CNBD1: variants seen among roughly 807,000 people sequenced by gnomAD.
CNBD1 encodes cyclic nucleotide-binding domain-containing protein 1.
In CNBD1, 71 loss-of-function variants were observed where a neutral mutation model predicts 54.4. That is an observed-to-expected ratio of 1.30 (90% confidence interval 1.08 to 1.59). The LOEUF (loss-of-function observed/expected upper bound fraction) is 1.59. Among genes scored for constraint, CNBD1 ranks in the 40% most tolerant of loss-of-function variants. The probability of loss-of-function intolerance (pLI) is 0.00; values close to 1 mark genes in which losing one functional copy is unlikely to be tolerated. For missense variants in CNBD1, 659 were observed against 518.0 expected, an observed-to-expected ratio of 1.27 and a Z score of -2.64; for synonymous variants, 182 against 170.7, an observed-to-expected ratio of 1.07 and a Z score of -0.51.
At chr8:86,970,663 G>C (rs1389853075) in intron 4 of CNBD1, among the ~76,000 whole-genome samples, 2 of 151,762 alleles carry the variant, frequency 1.3e-5, no homozygotes, top group Non-Finnish European at 2.9e-5. Flanking sequence ...AAGTTCCTAT[G>C]TATGTAGTGT....
At chr8:86,951,416 C>A (rs1807618270) in intron 4 of CNBD1, among the ~76,000 whole-genome samples, 1 of 150,992 alleles carries the variant, frequency 6.6e-6, no homozygotes, top group Admixed American at 6.6e-5. Flanking sequence ...TGGTGAAACT[C>A]CATCTCTACT....
chr8:87,295,211 T>C (rs1808857205), intron 8 of CNBD1, among the ~76,000 whole-genome samples: 1 of 151,846 alleles, frequency 6.6e-6, no homozygotes, highest in Non-Finnish European at 1.5e-5. Flanking sequence ...TATAATGTTA[T>C]AGTATAACAA....
chr8:87,379,041 A>T (rs1254042169), intron 10 of CNBD1, among the ~76,000 whole-genome samples: 1 of 150,606 alleles, frequency 6.6e-6, no homozygotes, highest in East Asian at 1.9e-4. Context: ...TTATCAGCTT[A>T]AGGAGATTTG....
intron 2 of CNBD1, among the ~76,000 whole-genome samples, chr8:87,428,307 C>T (rs1264829334): frequency 6.6e-6 from 1 of 151,988 alleles, no homozygotes; most frequent in Non-Finnish European, 1.5e-5. Flanking sequence ...AAACAATTTC[C>T]AAATTCTGAA....
At chr8:87,047,996 C>T (rs965024587) in intron 4 of CNBD1, among the ~76,000 whole-genome samples, 1 of 152,156 alleles carries the variant, frequency 6.6e-6, no homozygotes, top group Admixed American at 6.5e-5. Context: ...ACCTGGGATG[C>T]TCTTCTGGGA....
intron 10 of CNBD1, 135 bp downstream of exon 10, chr8:87,353,921 AT>A: frequency 1.7e-6 from 1 of 584,722 alleles, no homozygotes; most frequent in Non-Finnish European, 3.0e-6. Context: ...GAGTATTTGC[AT>A]AATCTCCTCC....
At chr8:87,210,140 A>T (rs899139674) in intron 5 of CNBD1, among the ~76,000 whole-genome samples, 1 of 152,232 alleles carries the variant, frequency 6.6e-6, no homozygotes, top group Non-Finnish European at 1.5e-5. Context: ...GACTTACAGT[A>T]TCTGTAGAAG....
intron 4 of CNBD1, among the ~76,000 whole-genome samples, chr8:87,195,377 T>G (rs1411184205): frequency 6.6e-6 from 1 of 151,384 alleles, no homozygotes; most frequent in Non-Finnish European, 1.5e-5. Flanking sequence ...TACAGGTGCA[T>G]GCCATCACAC....
intron 2 of CNBD1, among the ~76,000 whole-genome samples, chr8:87,402,494 T>C (rs1586080772): frequency 6.6e-6 from 1 of 152,200 alleles, no homozygotes; most frequent in East Asian, 1.9e-4. Flanking sequence ...GGCTTGGTGT[T>C]TTTGAATAGG....
chr8:87,007,228 T>C (rs1020576069), intron 4 of CNBD1, among the ~76,000 whole-genome samples: 8 of 152,054 alleles, frequency 5.3e-5, no homozygotes, highest in African/African-American at 1.7e-4. Context: ...TAAAACTTAT[T>C]ACTGATTTTC....
At chr8:87,262,499 C>A (rs996293253) in intron 6 of CNBD1, among the ~76,000 whole-genome samples, 5 of 152,078 alleles carry the variant, frequency 3.3e-5, no homozygotes, top group African/African-American at 9.7e-5. Context: ...ATGTGGGCAG[C>A]CAACATCCAA....
chr8:87,420,113 G>A (rs910558104), intron 2 of CNBD1, among the ~76,000 whole-genome samples: 2 of 151,330 alleles, frequency 1.3e-5, no homozygotes, highest in Non-Finnish European at 2.9e-5. Context: ...CACATTTACA[G>A]AATAAAAGAT....
chr8:87,237,244 T>C (rs373719179), intron 6 of CNBD1, 132 bp downstream of exon 6: 1 of 482,762 alleles, frequency 2.1e-6, no homozygotes, highest in Non-Finnish European at 3.6e-6. Context: ...GCCTTTAAAA[T>C]ATAAATGATA....
intron 1 of CNBD1, among the ~76,000 whole-genome samples, chr8:86,883,052 G>GA (rs1215475520): frequency 3.3e-5 from 5 of 151,904 alleles, no homozygotes; most frequent in African/African-American, 1.2e-4. Flanking sequence ...GATAGGACCA[G>GA]AAAAAATAAC....
At chr8:87,288,729 A>G (rs1263650878) in intron 8 of CNBD1, among the ~76,000 whole-genome samples, 1 of 152,096 alleles carries the variant, frequency 6.6e-6, no homozygotes, top group Non-Finnish European at 1.5e-5. Context: ...TACCGATAGC[A>G]TTGGACAATC....
At chr8:87,093,652 A>G (rs1233380197) in intron 4 of CNBD1, among the ~76,000 whole-genome samples, 3 of 152,174 alleles carry the variant, frequency 2.0e-5, no homozygotes, top group Non-Finnish European at 4.4e-5. Context: ...TCAAGTTGAC[A>G]TATACAATCA....
At chr8:87,132,589 A>G (rs1812140619) in intron 4 of CNBD1, among the ~76,000 whole-genome samples, 3 of 148,346 alleles carry the variant, frequency 2.0e-5, no homozygotes, top group South Asian at 2.1e-4. Flanking sequence ...TCTCACCACT[A>G]TTTCTTATAT....
At position 87,324,782 on chromosome 8, in the gene CNBD1, T is replaced by G. The variant is rs1284110661; in HGVS notation, c.1043-26903T>G. Among the ~76,000 whole-genome samples, 6 of 140,812 alleles carry G rather than the reference T, an allele frequency of 4.3e-5. No homozygotes were observed. In the East Asian group the frequency reaches 6.0e-4, roughly 14 times the overall value. The allele number at this position is 140,812 out of a possible 152,430, so 92.4% of individuals were successfully genotyped here. A position where few individuals can be genotyped will look rare whatever the true frequency, so the allele number is the denominator to read the frequency against. On this transcript the variant is annotated intron_variant, in intron 8 of 10. Transcript: ENST00000518476. ...CTGGATTCATTGATTTTTTGAAGGGTTTTTTGTGTCTCTATTTCCTTCAGT... is the reference window on the plus strand; with the variant it reads ...CTGGATTCATTGATTTTTTGAAGGGGTTTTTGTGTCTCTATTTCCTTCAGT...
chr8:87,419,071 A>C (rs1163945107), intron 2 of CNBD1, among the ~76,000 whole-genome samples: 1 of 151,218 alleles, frequency 6.6e-6, no homozygotes, highest in Non-Finnish European at 1.5e-5. Flanking sequence ...CCAACTGATG[A>C]AGAAAATATG....
Sources: allele counts gnomAD v4.1 joint callset (sites outside exome capture counted in the v4.1 genomes callset), GRCh38; gene constraint gnomAD v4.1.1; transcripts MANE v1.5; gene names NCBI Gene and HGNC (gene_info 2026-07-23, HGNC 2026-07-21).